The following SLC2A13 variants were observed in gnomAD, a reference collection of about 807,000 sequenced individuals.
SLC2A13 encodes the protein proton myo-inositol cotransporter.
A neutral mutation model predicts 64.4 loss-of-function variants in SLC2A13; 32 were observed. That is an observed-to-expected ratio of 0.50 (90% CI 0.37 to 0.67). The LOEUF is 0.67. SLC2A13 is among the 30% of genes least tolerant of loss of function. The pLI is 0.00. For synonymous variants in SLC2A13, 338 were observed against 327.1 expected, an observed-to-expected ratio of 1.03 and a Z score of -0.36; for missense variants, 743 against 829.2, an observed-to-expected ratio of 0.90 and a Z score of 1.28.
At chr12:39,986,528 A>T (rs947476589) in intron 3 of SLC2A13, among the ~76,000 whole-genome samples, 2 of 152,126 alleles carry the variant, frequency 1.3e-5, no homozygotes, top group African/African-American at 4.8e-5. Context: ...TTACTGAAAA[A>T]AAATGAAAAA....
chr12:39,959,481 G>T (rs1329993831), intron 3 of SLC2A13, among the ~76,000 whole-genome samples: 1 of 152,182 alleles, frequency 6.6e-6, no homozygotes, highest in Admixed American at 6.5e-5. Context: ...TATTATTCCA[G>T]GTTGCTAATG....
chr12:39,815,142 G>A (rs1040889858), intron 7 of SLC2A13, among the ~76,000 whole-genome samples: 1 of 152,060 alleles, frequency 6.6e-6, no homozygotes, highest in Non-Finnish European at 1.5e-5. Context: ...ACAAATCAAA[G>A]TCGTTGGATT....
At chr12:39,789,315 AT>A (rs1941296821) in intron 7 of SLC2A13, among the ~76,000 whole-genome samples, 1 of 151,976 alleles carries the variant, frequency 6.6e-6, no homozygotes, top group South Asian at 2.1e-4. Context: ...TATATGATTT[AT>A]TTTATTACTT....
chr12:40,030,599 A>G (rs1292642635), intron 2 of SLC2A13, among the ~76,000 whole-genome samples: 1 of 152,186 alleles, frequency 6.6e-6, no homozygotes, highest in Non-Finnish European at 1.5e-5. Context: ...TAATACTTCA[A>G]AAAGCACTGA....
chr12:39,843,158 A>AT (rs1943220199), intron 6 of SLC2A13, among the ~76,000 whole-genome samples: 1 of 152,066 alleles, frequency 6.6e-6, no homozygotes, highest in Non-Finnish European at 1.5e-5. Context: ...GCTGGGTCAT[A>AT]TAACTATACA....
chr12:39,951,028 T>C (rs1471287308), intron 4 of SLC2A13: 2 of 420,066 alleles, frequency 4.8e-6, no homozygotes, highest in Non-Finnish European at 8.4e-6. Context: ...AGAAATTTTA[T>C]GGAATCAAAT....
At chr12:39,830,071 T>TAC in intron 7 of SLC2A13, 32 bp downstream of exon 7, 1 of 1,612,534 alleles carries the variant, frequency 6.2e-7, no homozygotes, top group East Asian at 2.2e-5. Context: ...GAAATATTAT[T>TAC]ATATATTCGT....
At chr12:39,840,494 T>C (rs1052121030) in intron 6 of SLC2A13, among the ~76,000 whole-genome samples, 1 of 152,058 alleles carries the variant, frequency 6.6e-6, no homozygotes, top group Non-Finnish European at 1.5e-5. Context: ...CTACTTGCCA[T>C]TTCTCCATAG....
intron 4 of SLC2A13, among the ~76,000 whole-genome samples, chr12:39,918,044 ACACT>A (rs1393283117): frequency 8.5e-5 from 13 of 152,260 alleles, no homozygotes; most frequent in African/African-American, 3.1e-4. Flanking sequence ...ATTAATTTAA[ACACT>A]CACTGAGTAC....
chr12:40,033,528 G>C (rs1300059048), intron 2 of SLC2A13, among the ~76,000 whole-genome samples: 2 of 152,298 alleles, frequency 1.3e-5, no homozygotes, highest in African/African-American at 2.4e-5. Context: ...GAACTGCTAG[G>C]AGGAAATGGA....
chr12:39,976,596 C>T (rs1946763985), intron 3 of SLC2A13, among the ~76,000 whole-genome samples: 1 of 151,850 alleles, frequency 6.6e-6, no homozygotes, highest in African/African-American at 2.4e-5. Context: ...GGGGGTCTCA[C>T]TATGTTGCTC....
intron 2 of SLC2A13, among the ~76,000 whole-genome samples, chr12:40,045,694 A>C (rs560125589): frequency 6.6e-5 from 10 of 152,232 alleles, no homozygotes; most frequent in Admixed American, 3.9e-4. Flanking sequence ...AACGGGAGTT[A>C]GTTTTCCCAT....
intron 4 of SLC2A13, among the ~76,000 whole-genome samples, chr12:39,892,569 T>C (rs1944641186): frequency 6.6e-6 from 1 of 152,198 alleles, no homozygotes; most frequent in Non-Finnish European, 1.5e-5. Flanking sequence ...CTTTCTTGGT[T>C]TTGACCAATA....
intron 6 of SLC2A13, among the ~76,000 whole-genome samples, chr12:39,861,125 T>C (rs556738125): frequency 6.6e-6 from 1 of 152,342 alleles, no homozygotes; most frequent in South Asian, 2.1e-4. Flanking sequence ...ATTCTTTCTG[T>C]GTGACATACT....
rs551890652 is a variant in SLC2A13, at chr12:39,893,252, A to G, written c.1035-21291T>C. On this transcript the variant is annotated intron_variant, in intron 4 of 9. Transcript: ENST00000280871. ...ATACTTGGGATTTTTCAATAATTTT[A>G]TCTATGTCTATTTTATAGAAAACAA... is the stretch of plus-strand genomic sequence containing the variant. Among the ~76,000 whole-genome samples, 6 of 152,326 alleles carry G rather than the reference A, an allele frequency of 3.9e-5. No individual in the cohort carries two copies. In the East Asian group the frequency reaches 1.2e-3, roughly 29 times the overall value.
At chr12:39,935,615 G>A (rs1025474134) in intron 4 of SLC2A13, among the ~76,000 whole-genome samples, 1 of 152,198 alleles carries the variant, frequency 6.6e-6, no homozygotes, top group Non-Finnish European at 1.5e-5. Context: ...CACATCTGCA[G>A]TTATAATATA....
intron 7 of SLC2A13, among the ~76,000 whole-genome samples, chr12:39,824,457 G>A (rs1270909759): frequency 6.6e-6 from 1 of 152,238 alleles, no homozygotes; most frequent in Admixed American, 6.5e-5. Flanking sequence ...TATTCTCAGA[G>A]CTTGGGGGAT....
intron 3 of SLC2A13, among the ~76,000 whole-genome samples, chr12:39,951,826 C>A (rs1366634067): frequency 6.6e-6 from 1 of 152,052 alleles, no homozygotes; most frequent in Non-Finnish European, 1.5e-5. Context: ...AATTAAAGAA[C>A]AAAATTCATG....
Position 39,976,136 on chromosome 12 carries a change from G to A in SLC2A13, c.926-24771C>T, listed in dbSNP as rs569993184. On this transcript the variant is annotated intron_variant, in intron 3 of 9. Transcript: ENST00000280871. ...AGCCCACCCTTAGATAAGCACCTGGGGTACCCATTATGACAGCATTACAGC... is the reference window on the plus strand; with the variant it reads ...AGCCCACCCTTAGATAAGCACCTGGAGTACCCATTATGACAGCATTACAGC... 2.0e-5 allele frequency among the ~76,000 whole-genome samples: 3 copies of A among 152,250 alleles called. No individual in the cohort carries two copies. The South Asian group carries it at 6.2e-4, about 32-fold the overall frequency.
Sources: allele counts gnomAD v4.1 joint callset (sites outside exome capture counted in the v4.1 genomes callset), GRCh38; gene constraint gnomAD v4.1.1; transcripts MANE v1.5; gene names NCBI Gene and HGNC (gene_info 2026-07-23, HGNC 2026-07-21).